Variants in PPM1B observed in about 807,000 individuals in gnomAD.
PPM1B encodes the protein protein phosphatase 1B.
Under a neutral mutation model 43.0 loss-of-function variants are expected in PPM1B, and 22 were observed. That is an observed-to-expected ratio of 0.51 (90% CI 0.37 to 0.73). The LOEUF is 0.73. Ranked by LOEUF, PPM1B falls within the 30% of genes least tolerant of loss-of-function variation. The pLI, the probability that PPM1B is intolerant of heterozygous loss-of-function variation, is 0.00. For synonymous variants in PPM1B, 217 were observed against 197.9 expected, an observed-to-expected ratio of 1.10 and a Z score of -0.81; for missense variants, 632 against 584.2, an observed-to-expected ratio of 1.08 and a Z score of -0.84.
intron 3 of PPM1B, among the ~76,000 whole-genome samples, chr2:44,211,034 G>A (rs541796233): frequency 1.3e-5 from 2 of 152,226 alleles, no homozygotes; most frequent in East Asian, 3.9e-4. Context: ...TACTCCGGAG[G>A]CTGAGGCGGG....
intron 2 of PPM1B, among the ~76,000 whole-genome samples, chr2:44,207,636 T>G (rs996436302): frequency 1.3e-5 from 2 of 151,454 alleles, no homozygotes. Context: ...AGTGCAGTGG[T>G]GTCATCACGG....
chr2:44,226,006 T>A (rs1670193811), intron 5 of PPM1B, among the ~76,000 whole-genome samples: 1 of 149,108 alleles, frequency 6.7e-6, no homozygotes, highest in Non-Finnish European at 1.5e-5. Context: ...GAGAGAGTCT[T>A]GCTCTGTCGC....
chr2:44,192,235 T>TGTATTGTATTA (rs1668442025), intron 1 of PPM1B, among the ~76,000 whole-genome samples: 1 of 151,974 alleles, frequency 6.6e-6, no homozygotes, highest in Admixed American at 6.6e-5. Context: ...TGTATTGTAT[T>TGTATTGTATTA]GAGATGGAGT....
At chr2:44,170,076 CAGTG>C (rs1667254507) in intron 1 of PPM1B, among the ~76,000 whole-genome samples, 2 of 152,270 alleles carry the variant, frequency 1.3e-5, no homozygotes, top group Admixed American at 1.3e-4. Context: ...ATGAAGGACT[CAGTG>C]AGTGTTGGAA....
intron 1 of PPM1B, among the ~76,000 whole-genome samples, chr2:44,198,436 C>T (rs1668766718): frequency 6.6e-6 from 1 of 152,226 alleles, no homozygotes; most frequent in South Asian, 2.1e-4. Flanking sequence ...GTTGGGATTA[C>T]AGGCATGAGC....
At chr2:44,185,092 A>G (rs1262858208) in intron 1 of PPM1B, among the ~76,000 whole-genome samples, 1 of 151,694 alleles carries the variant, frequency 6.6e-6, no homozygotes, top group Non-Finnish European at 1.5e-5. Context: ...TATACATTTT[A>G]TGCTTACCTG....
In PPM1B at chr2:44,176,937, C is replaced by T. The variant is rs188334064; in HGVS notation, c.-15+7663C>T. 9.6e-3 allele frequency among the ~76,000 whole-genome samples: 1,465 copies of T among 152,214 alleles called. 28 individuals carry two copies. The highest frequency in any genetic ancestry group is 0.034 in the African/African-American group (1,397 of 41,526). The stretch of plus-strand genomic sequence containing the variant: ...CTGGGATTACAGGCCTGCGGCACCA[C>T]GCCCAGCTAATTTTGTATTTTTCGT... On this transcript the variant is annotated intron_variant, in intron 1 of 5. Coordinates refer to ENST00000282412, the MANE Select transcript of PPM1B (RefSeq NM_002706.6).
chr2:44,169,623 C>T (rs940842446), intron 1 of PPM1B, among the ~76,000 whole-genome samples: 1 of 152,260 alleles, frequency 6.6e-6, no homozygotes, highest in Non-Finnish European at 1.5e-5. Context: ...GGGGCTACCC[C>T]AAGCCTTGGC....
chr2:44,177,772 A>G (rs1485240126), intron 1 of PPM1B, among the ~76,000 whole-genome samples: 4 of 151,062 alleles, frequency 2.6e-5, no homozygotes, highest in Non-Finnish European at 5.9e-5. Flanking sequence ...GTGTATGTAC[A>G]TGACCATATA....
At chr2:44,240,376 C>A (rs1441508973) in intron 5 of PPM1B, among the ~76,000 whole-genome samples, 1 of 145,872 alleles carries the variant, frequency 6.9e-6, no homozygotes, top group Non-Finnish European at 1.5e-5. Flanking sequence ...TTTCCTCCCC[C>A]TGTAAAACAG....
At chr2:44,185,761 T>G (rs1197002412) in intron 1 of PPM1B, among the ~76,000 whole-genome samples, 1 of 152,242 alleles carries the variant, frequency 6.6e-6, no homozygotes, top group Non-Finnish European at 1.5e-5. Context: ...TAACATCTCC[T>G]TGCCATTGGA....
chr2:44,212,135 C>G (rs963398117), intron 3 of PPM1B, among the ~76,000 whole-genome samples: 1 of 152,156 alleles, frequency 6.6e-6, no homozygotes, highest in South Asian at 2.1e-4. Flanking sequence ...CACAGACTCA[C>G]GGATTCCTGT....
intron 1 of PPM1B, among the ~76,000 whole-genome samples, chr2:44,191,236 C>T (rs186960549): frequency 8.5e-5 from 13 of 152,120 alleles, no homozygotes; most frequent in African/African-American, 2.4e-4. Flanking sequence ...TTTTTTGACA[C>T]GGAGTCTCGT....
At chr2:44,205,380 T>TGTGTGTGTGTGTGTGTGTGTGTAA (rs3841859) in intron 2 of PPM1B, among the ~76,000 whole-genome samples, 1 of 150,524 alleles carries the variant, frequency 6.6e-6, no homozygotes, top group African/African-American at 2.5e-5. Context: ...TGTGTGTGTG[T>TGTGTGTGTGTGTGTGTGTGTGTAA]AAGTGTCTGT....
At chr2:44,209,813 G>C (rs185137433) in intron 3 of PPM1B, among the ~76,000 whole-genome samples, 103 of 150,656 alleles carry the variant, frequency 6.8e-4, no homozygotes, top group African/African-American at 2.4e-3. Context: ...GGACAAACAA[G>C]TATTTCAAAA....
At chr2:44,177,607 CA>C (rs1667643841) in intron 1 of PPM1B, among the ~76,000 whole-genome samples, 1 of 151,450 alleles carries the variant, frequency 6.6e-6, no homozygotes, top group Non-Finnish European at 1.5e-5. Flanking sequence ...TTAGTAGAGA[CA>C]GGGGTCTCAC....
downstream of PPM1B, chr2:44,233,847 T>A: frequency 1.0e-6 from 1 of 985,686 alleles, no homozygotes; most frequent in Middle Eastern, 5.2e-4. Flanking sequence ...TTAAAGTGCT[T>A]TACATGATGA....
intron 5 of PPM1B, among the ~76,000 whole-genome samples, chr2:44,228,311 C>A (rs769644501): frequency 1.3e-5 from 2 of 151,488 alleles, no homozygotes; most frequent in Non-Finnish European, 2.9e-5. Flanking sequence ...CCTCAGTTCC[C>A]CAAGTAGTTG....
At chr2:44,197,971 A>G (rs923767899) in intron 1 of PPM1B, among the ~76,000 whole-genome samples, 4 of 152,102 alleles carry the variant, frequency 2.6e-5, no homozygotes, top group African/African-American at 9.7e-5. Flanking sequence ...GAAAAATTTT[A>G]TCCATGAGCC....
Sources: allele counts gnomAD v4.1 joint callset (sites outside exome capture counted in the v4.1 genomes callset), GRCh38; gene constraint gnomAD v4.1.1; transcripts MANE v1.5; gene names NCBI Gene and HGNC (gene_info 2026-07-23, HGNC 2026-07-21).